PPARGC1A: variants seen among roughly 807,000 people sequenced by gnomAD.
The protein encoded by PPARGC1A is peroxisome proliferator-activated receptor gamma coactivator 1-alpha.
A neutral mutation model predicts 88.7 loss-of-function variants in PPARGC1A; 25 were observed. That is an observed-to-expected ratio of 0.28 (90% confidence interval 0.21 to 0.39). The LOEUF (loss-of-function observed/expected upper bound fraction) is 0.39, where lower values mean the gene tolerates loss of function less well. PPARGC1A is among the 10% of genes least tolerant of loss of function. The pLI is 1.00. For synonymous variants in PPARGC1A, 363 were observed against 355.6 expected (o/e 1.02, Z -0.24); for missense variants, 880 against 968.7 (o/e 0.91, Z 1.22).
the PPARGC1A span, among the ~76,000 whole-genome samples, chr4:24,057,468 A>C: frequency 6.6e-6 from 1 of 152,122 alleles, no homozygotes; most frequent in Non-Finnish European, 1.5e-5. Flanking sequence ...AAAAAAAAAA[A>C]AAAAAGCCAT....
At chr4:24,115,037 C>T in the PPARGC1A span, among the ~76,000 whole-genome samples, 3 of 152,090 alleles carry the variant, frequency 2.0e-5, no homozygotes, top group Admixed American at 2.0e-4. Context: ...AAAAATAAAG[C>T]ATTCCCGGTA....
the PPARGC1A span, among the ~76,000 whole-genome samples, chr4:23,960,087 C>A: frequency 6.6e-6 from 1 of 152,146 alleles, no homozygotes; most frequent in Admixed American, 6.5e-5. Context: ...AGGCAACAAT[C>A]TAGGCTAACC....
intron 2 of PPARGC1A, among the ~76,000 whole-genome samples, chr4:23,871,615 A>G (rs1713387439): frequency 6.6e-6 from 1 of 152,198 alleles, no homozygotes; most frequent in Admixed American, 6.5e-5. Context: ...GGATTCTGAC[A>G]TGGGAACATA....
chr4:23,948,913 C>T, the PPARGC1A span, among the ~76,000 whole-genome samples: 1 of 152,096 alleles, frequency 6.6e-6, no homozygotes, highest in Non-Finnish European at 1.5e-5. Context: ...TGGGCTTCTT[C>T]CTCAAATTAT....
In PPARGC1A at chr4:23,794,218, T is replaced by G. The variant is rs1434427963; in HGVS notation, c.*1604A>C. 1 of 152,576 alleles carries G rather than the reference T, an allele frequency of 6.6e-6. No homozygotes were observed. The highest frequency in any genetic ancestry group is 1.5e-5 in the Non-Finnish European group (1 of 68,018). 9.5% of individuals were successfully genotyped at this position (152,576 alleles called of 1,614,324 possible). Reference sequence around the variant, plus strand: ...TGACTTCTAGTTTCAAAACTACTGTTGATAGAGAAAATAAAAACATTTCTT... The same window carrying G: ...TGACTTCTAGTTTCAAAACTACTGTGGATAGAGAAAATAAAAACATTTCTT... On this transcript the variant is annotated 3_prime_UTR_variant, in exon 13 of 13. Transcript: ENST00000264867.
At chr4:24,414,518 T>A in the PPARGC1A span, among the ~76,000 whole-genome samples, 1 of 152,150 alleles carries the variant, frequency 6.6e-6, no homozygotes, top group Admixed American at 6.5e-5. Context: ...ATTTAGATGA[T>A]AAATTATATG....
chr4:24,284,345 C>T, the PPARGC1A span, among the ~76,000 whole-genome samples: 1 of 152,034 alleles, frequency 6.6e-6, no homozygotes. Flanking sequence ...ACAAAAAATG[C>T]GTACTCAAAG....
the PPARGC1A span, among the ~76,000 whole-genome samples, chr4:24,448,375 C>T: frequency 2.0e-5 from 3 of 152,218 alleles, no homozygotes; most frequent in Non-Finnish European, 4.4e-5. Flanking sequence ...TACCATCCAT[C>T]TCTGCTGCTT....
At chr4:24,419,242 C>T in the PPARGC1A span, among the ~76,000 whole-genome samples, 1 of 151,434 alleles carries the variant, frequency 6.6e-6, no homozygotes, top group Non-Finnish European at 1.5e-5. Context: ...CAGGTCAGGA[C>T]GCCATCTGTT....
chr4:24,222,069 C>G, the PPARGC1A span, among the ~76,000 whole-genome samples: 1 of 152,156 alleles, frequency 6.6e-6, no homozygotes, highest in Non-Finnish European at 1.5e-5. Context: ...AATTCAGGGA[C>G]CATCTCCAAG....
At chr4:24,287,526 A>T in the PPARGC1A span, among the ~76,000 whole-genome samples, 2 of 151,948 alleles carry the variant, frequency 1.3e-5, no homozygotes, top group African/African-American at 4.8e-5. Context: ...AGTGCTGAGA[A>T]AAAAAAATCA....
At chr4:24,249,405 C>T in the PPARGC1A span, among the ~76,000 whole-genome samples, 1 of 152,160 alleles carries the variant, frequency 6.6e-6, no homozygotes, top group Non-Finnish European at 1.5e-5. Flanking sequence ...TGTGAGGCCG[C>T]GTTCAGGACA....
At chr4:24,239,228 A>G in the PPARGC1A span, among the ~76,000 whole-genome samples, 1 of 152,186 alleles carries the variant, frequency 6.6e-6, no homozygotes, top group African/African-American at 2.4e-5. Context: ...AGGCACAAGG[A>G]AAGTCTGCTC....
At chr4:24,030,241 G>A in the PPARGC1A span, among the ~76,000 whole-genome samples, 10 of 152,292 alleles carry the variant, frequency 6.6e-5, no homozygotes, top group East Asian at 1.4e-3. Context: ...AGGGTTGCAG[G>A]TGACAGAAGA....
At chr4:24,281,843 CAG>C in the PPARGC1A span, among the ~76,000 whole-genome samples, 1 of 152,028 alleles carries the variant, frequency 6.6e-6, no homozygotes, top group African/African-American at 2.4e-5. Flanking sequence ...AACTAGGTGC[CAG>C]ACACATTCTA....
chr4:23,969,779 G>A, the PPARGC1A span, among the ~76,000 whole-genome samples: 3 of 152,064 alleles, frequency 2.0e-5, no homozygotes, highest in African/African-American at 4.8e-5. Context: ...ACCCACACAC[G>A]TTGGGAGTTC....
chr4:24,342,398 A>C, the PPARGC1A span, among the ~76,000 whole-genome samples: 1 of 152,206 alleles, frequency 6.6e-6, no homozygotes, highest in African/African-American at 2.4e-5. Context: ...AATAGAGGTT[A>C]GGGAATTTGC....
chr4:24,285,236 C>T, the PPARGC1A span, among the ~76,000 whole-genome samples: 1 of 152,148 alleles, frequency 6.6e-6, no homozygotes, highest in Non-Finnish European at 1.5e-5. Flanking sequence ...ATGGTTTATG[C>T]TTTTGCATTA....
chr4:24,457,389 A>C, the PPARGC1A span, among the ~76,000 whole-genome samples: 1 of 152,210 alleles, frequency 6.6e-6, no homozygotes, highest in Non-Finnish European at 1.5e-5. Context: ...TTTCATCTTG[A>C]ATATGAGCTT....
Sources: gnomAD v4.1 joint callset for allele counts (sites outside exome capture counted in the v4.1 genomes callset) on GRCh38, gnomAD v4.1.1 for gene constraint, MANE v1.5 for transcripts, NCBI Gene and HGNC (gene_info 2026-07-23, HGNC 2026-07-21) for gene names.